The following PLCG2 variants were observed in gnomAD, a reference collection of about 807,000 sequenced individuals.
PLCG2 encodes the protein phospholipase C gamma 2, also known as 1-phosphatidylinositol 4,5-bisphosphate phosphodiesterase gamma-2.
Under a neutral mutation model 175.6 loss-of-function variants are expected in PLCG2, and 69 were observed. The ratio of observed to expected loss-of-function variants is 0.39; its 90% CI spans 0.32 to 0.48. The LOEUF (loss-of-function observed/expected upper bound fraction) is 0.48. PLCG2 is among the 20% of genes least tolerant of loss of function. PLCG2 has a pLI of 0.91. For synonymous variants in PLCG2, 827 were observed against 624.0 expected (o/e 1.33, Z -4.85); for missense variants, 1,798 against 1,650.9 (o/e 1.09, Z -1.54).
intron 2 of PLCG2, among the ~76,000 whole-genome samples, chr16:81,787,609 C>G (rs1911037144): frequency 1.3e-5 from 2 of 150,792 alleles, no homozygotes; most frequent in South Asian, 4.2e-4. Context: ...CCATTGTATG[C>G]AGCATGTATA....
At chr16:81,762,404 A>G (rs1302810430) in intron 2 of PLCG2, among the ~76,000 whole-genome samples, 1 of 151,916 alleles carries the variant, frequency 6.6e-6, no homozygotes, top group Non-Finnish European at 1.5e-5. Flanking sequence ...TCCTGTCTCT[A>G]CTAAAAACAC....
chr16:81,818,911 G>A (rs1278981018), intron 2 of PLCG2, among the ~76,000 whole-genome samples: 7 of 96,340 alleles, frequency 7.3e-5, no homozygotes, highest in African/African-American at 2.0e-4. Flanking sequence ...TTTTTTTACT[G>A]TGGTGGGGCT....
rs966804592 is a variant in PLCG2, at chr16:81,745,853, C to A, written c.-145+6468C>A. On this transcript the variant is annotated intron_variant, in intron 1 of 5. Transcript: ENST00000565054. ...GTTGGGAACCTCTGCTTTCAGCTAT[C>A]CATTCAGAGGCCGAGTTCAGCGGCC... Among the ~76,000 whole-genome samples, 3 of 152,212 alleles carry A rather than the reference C, an allele frequency of 2.0e-5. No individual in the cohort carries two copies. In the South Asian group the frequency reaches 6.2e-4, roughly 32 times the overall value.
At chr16:81,905,213 G>T (rs1455086864) in intron 14 of PLCG2, among the ~76,000 whole-genome samples, 190 bp from the exon 15 acceptor site, 1 of 152,212 alleles carries the variant, frequency 6.6e-6, no homozygotes, top group Non-Finnish European at 1.5e-5. Flanking sequence ...AGATGAAGCT[G>T]TAAGGAAAGC....
intron 9 of PLCG2, among the ~76,000 whole-genome samples, chr16:81,887,063 G>C (rs974408966): frequency 5.3e-5 from 8 of 151,998 alleles, no homozygotes; most frequent in Non-Finnish European, 7.4e-5. Flanking sequence ...ACTTTGTAGG[G>C]GGAAGGAAGG....
At chr16:81,840,459 A>G (rs1597348285) in intron 2 of PLCG2, among the ~76,000 whole-genome samples, 1 of 152,340 alleles carries the variant, frequency 6.6e-6, no homozygotes, top group East Asian at 1.9e-4. Context: ...ATATAATGAA[A>G]TAATTATACA....
At chr16:81,802,471 A>G (rs990033336) in intron 2 of PLCG2, among the ~76,000 whole-genome samples, 7 of 151,904 alleles carry the variant, frequency 4.6e-5, no homozygotes, top group Admixed American at 4.6e-4. Context: ...AAGTGTTCCC[A>G]GTAGATGCTT....
intron 2 of PLCG2, among the ~76,000 whole-genome samples, chr16:81,831,149 C>A (rs1905244009): frequency 1.3e-5 from 2 of 152,152 alleles, no homozygotes; most frequent in African/African-American, 4.8e-5. Flanking sequence ...ATGCTTTGCT[C>A]TTCTTTGGTT....
intron 2 of PLCG2, among the ~76,000 whole-genome samples, chr16:81,853,269 T>C (rs1906511751): frequency 6.6e-6 from 1 of 151,678 alleles, no homozygotes; most frequent in African/African-American, 2.4e-5. Context: ...AGGCAGACGT[T>C]GCAGTGAGCT....
chr16:81,853,438 G>C (rs1906521787), intron 2 of PLCG2, among the ~76,000 whole-genome samples: 1 of 152,132 alleles, frequency 6.6e-6, no homozygotes. Flanking sequence ...CCAGTGACCA[G>C]TTTCATAGAA....
intron 7 of PLCG2, 37 bp from the exon 8 acceptor site, chr16:81,880,873 C>G: frequency 6.2e-7 from 1 of 1,608,930 alleles, no homozygotes; most frequent in Non-Finnish European, 8.5e-7. Context: ...AGTGACTTGT[C>G]TAAGGTTCTT....
At position 81,931,656 on chromosome 16, in the gene PLCG2, TAGGC is replaced by T; in HGVS notation, c.2739+4_2739+7del. 1 of 1,613,262 alleles carries T rather than the reference TAGGC, an allele frequency of 6.2e-7. No homozygotes were observed. Among genetic ancestry groups the T allele is most frequent in the Non-Finnish European group, 8.5e-7 (1 of 1,179,424 alleles). ...ATCACCTGGAAGATTGACACCAAGG[TAGGC>T]ACCTGCTCACCCGGGTGCAGGTGGG... On this transcript the variant is annotated splice_donor_5th_base_variant and intron_variant, in intron 25 of 32. Transcript: ENST00000564138.
intron 6 of PLCG2, 127 bp from the exon 7 acceptor site, chr16:81,870,725 G>C (rs940942919): frequency 4.8e-5 from 26 of 538,026 alleles, no homozygotes; most frequent in Middle Eastern, 4.9e-4. Context: ...TGTGGTCATA[G>C]CTGTCTCTTC....
chr16:81,921,223 A>T lies in PLCG2; in HGVS notation c.2261A>T (p.Asp754Val). The T allele has an allele frequency of 6.2e-7, 1 of 1,605,556 alleles. No individual in the cohort carries two copies. The highest frequency in any genetic ancestry group is 1.3e-5 in the African/African-American group (1 of 74,834). The change falls in exon 21 of 33, where the codon GAC (aspartate) becomes GTC (valine). Residue 754 changes from aspartate (D) to valine (V), a missense_variant. Physicochemically the swap from Asp to Val is radical, Grantham distance 152. Transcript: ENST00000564138. ...NMERDINSLYDVSRMYVDPSE... is the reference protein window; with the variant it reads ...NMERDINSLYVVSRMYVDPSE... ...GAAAGAGATATAAACTCCCTCTACG[A>T]CGTCAGCAGAATGTATGTGGATCCC...
At chr16:81,791,852 A>G (rs768050772) in intron 2 of PLCG2, among the ~76,000 whole-genome samples, 1 of 152,160 alleles carries the variant, frequency 6.6e-6, no homozygotes, top group Admixed American at 6.5e-5. Flanking sequence ...GGCATGAACC[A>G]CTGCACCCAG....
At chr16:81,829,232 C>T (rs1016586984) in intron 2 of PLCG2, among the ~76,000 whole-genome samples, 2 of 152,208 alleles carry the variant, frequency 1.3e-5, no homozygotes, top group African/African-American at 4.8e-5. Context: ...CCTCAGCCTC[C>T]TGAGTAGCTG....
At position 81,910,696 on chromosome 16, in the gene PLCG2, A is replaced by C. The variant is rs1277723791; in HGVS notation, c.1910A>C (p.Asn637Thr). The stretch of plus-strand genomic sequence containing the variant: ...CTGCGGCTCACGGACCCTGTGCCCA[A>C]CCCCAACCCCCACGAGTCCAAGCCG... ...FELRLTDPVP[N>T]PNPHESKPWY... The change falls in exon 18 of 33, where the codon AAC (asparagine) becomes ACC (threonine). Residue 637 changes from asparagine (N) to threonine (T), a missense_variant. Coordinates refer to ENST00000564138, the MANE Select transcript of PLCG2 (RefSeq NM_002661.5). 1 of 1,610,616 alleles carries C rather than the reference A, an allele frequency of 6.2e-7. No individual in the cohort carries two copies. Among genetic ancestry groups the C allele is most frequent in the African/African-American group, 1.3e-5 (1 of 74,878 alleles).
At chr16:81,878,400 C>T (rs1217336074) in intron 7 of PLCG2, among the ~76,000 whole-genome samples, 1 of 152,122 alleles carries the variant, frequency 6.6e-6, no homozygotes, top group Non-Finnish European at 1.5e-5. Flanking sequence ...AAGGTCATGC[C>T]CATGGGTACT....
chr16:81,860,287 C>CGAAT (rs1458875611), intron 5 of PLCG2, among the ~76,000 whole-genome samples: 2 of 151,106 alleles, frequency 1.3e-5, no homozygotes, highest in African/African-American at 4.9e-5. Context: ...AAATCATTTC[C>CGAAT]GTGTTGATGC....
Sources: allele counts gnomAD v4.1 joint callset (sites outside exome capture counted in the v4.1 genomes callset), GRCh38; gene constraint gnomAD v4.1.1; transcripts MANE v1.5; gene names NCBI Gene and HGNC (gene_info 2026-07-23, HGNC 2026-07-21).